The following NBAS variants were observed in gnomAD, a reference collection of about 807,000 sequenced individuals.
The protein encoded by NBAS is NAG/BC035112 fusion.
Under a neutral mutation model 302.5 loss-of-function variants are expected in NBAS, and 219 were observed. The observed-to-expected ratio is 0.72, with a 90% CI of 0.65 to 0.81. The LOEUF (loss-of-function observed/expected upper bound fraction) is 0.81, where lower values mean the gene tolerates loss of function less well. Ranked by LOEUF, NBAS falls within the 30% of genes least tolerant of loss-of-function variation. The pLI is 0.00. For synonymous variants in NBAS, 1,118 were observed against 1,021.6 expected, an observed-to-expected ratio of 1.09 and a Z score of -1.80; for missense variants, 2,932 against 2,841.6, an observed-to-expected ratio of 1.03 and a Z score of -0.72.
the NBAS span, among the ~76,000 whole-genome samples, chr2:14,877,975 C>T: frequency 6.6e-6 from 1 of 152,062 alleles, no homozygotes. Flanking sequence ...TTACTAATTC[C>T]TCCAAACCTC....
At chr2:15,497,033 T>C (rs1437235480) in intron 11 of NBAS, among the ~76,000 whole-genome samples, 3 of 152,046 alleles carry the variant, frequency 2.0e-5, no homozygotes, top group African/African-American at 7.2e-5. Context: ...GGTAAAACCA[T>C]TCCCAATAGA....
the NBAS span, among the ~76,000 whole-genome samples, chr2:15,090,751 G>T: frequency 6.6e-6 from 1 of 152,152 alleles, no homozygotes; most frequent in Non-Finnish European, 1.5e-5. Flanking sequence ...TCCTTATTTG[G>T]AAAAGCCATA....
At chr2:15,096,023 T>C in the NBAS span, among the ~76,000 whole-genome samples, 1 of 152,192 alleles carries the variant, frequency 6.6e-6, no homozygotes, top group Non-Finnish European at 1.5e-5. Flanking sequence ...GAACTCCTCA[T>C]GTCTGGGCTT....
chr2:15,467,347 A>G lies in NBAS; in HGVS notation c.2079T>C (p.Asp693=), dbSNP rs146792030. 259 of 1,612,840 alleles carry G rather than the reference A, an allele frequency of 1.6e-4. No homozygotes were observed. Among genetic ancestry groups the G allele is most frequent in the Non-Finnish European group, 2.0e-4 (238 of 1,179,106 alleles). Residue 693 remains aspartate, a synonymous_variant, in exon 19 of 52, where the codon GAT becomes GAC. Coordinates refer to ENST00000281513, the MANE Select transcript of NBAS (RefSeq NM_015909.4). The stretch of plus-strand genomic sequence containing the variant: ...TCATTACCTCATATGTTGCAAGTCG[A>G]TCTAAGTAGGTTAATAACTTCCGTC... The part of the protein sequence containing the change: ...RCRRKLLTYL[D]RLATYEEILG...
chr2:14,839,820 G>A, the NBAS span, among the ~76,000 whole-genome samples: 1 of 151,944 alleles, frequency 6.6e-6, no homozygotes, highest in Non-Finnish European at 1.5e-5. Context: ...CCAAACAAAA[G>A]CCAGACAAAG....
chr2:15,356,868 G>T (rs1042093677), intron 32 of NBAS, among the ~76,000 whole-genome samples: 1 of 152,220 alleles, frequency 6.6e-6, no homozygotes. Context: ...AAATTGGAAT[G>T]CAAATGCTGT....
At chr2:15,377,730 C>A (rs1674815761) in intron 30 of NBAS, among the ~76,000 whole-genome samples, 1 of 152,116 alleles carries the variant, frequency 6.6e-6, no homozygotes, top group East Asian at 1.9e-4. Context: ...CACAACCACT[C>A]AACACAATGC....
chr2:15,166,850 A>G (rs755920118), downstream of NBAS: 86 of 577,690 alleles, frequency 1.5e-4, no homozygotes, highest in Admixed American at 2.2e-4. Context: ...CTTAATCAAT[A>G]AGAAAATATG....
At chr2:14,841,514 A>C in the NBAS span, among the ~76,000 whole-genome samples, 1 of 147,662 alleles carries the variant, frequency 6.8e-6, no homozygotes, top group Non-Finnish European at 1.5e-5. Context: ...AAAAAAAAAA[A>C]ACAGGAAAAG....
At chr2:15,173,984 G>A (rs1664416041) in intron 51 of NBAS, among the ~76,000 whole-genome samples, 1 of 152,204 alleles carries the variant, frequency 6.6e-6, no homozygotes, top group South Asian at 2.1e-4. Context: ...CACAATGCAT[G>A]CTTGATATGT....
chr2:15,027,428 AAAT>A, the NBAS span, among the ~76,000 whole-genome samples: 1 of 116,374 alleles, frequency 8.6e-6, no homozygotes, highest in African/African-American at 3.3e-5. Flanking sequence ...TATTGTAAAT[AAAT>A]TTTTTTCCAT....
chr2:15,272,630 T>C (rs1278693125), intron 44 of NBAS, among the ~76,000 whole-genome samples: 1 of 152,240 alleles, frequency 6.6e-6, no homozygotes, highest in African/African-American at 2.4e-5. Flanking sequence ...TAAATGTATC[T>C]GTCTCACCTC....
chr2:15,023,481 T>A, the NBAS span, among the ~76,000 whole-genome samples: 1 of 151,990 alleles, frequency 6.6e-6, no homozygotes, highest in South Asian at 2.1e-4. Context: ...ATATTTGGTT[T>A]TTATTTTAAT....
intron 28 of NBAS, among the ~76,000 whole-genome samples, chr2:15,384,524 ACC>A (rs5829504): frequency 1.4e-4 from 21 of 146,902 alleles, no homozygotes; most frequent in Non-Finnish European, 2.2e-4. Flanking sequence ...ATATGAAAAG[ACC>A]CCCCCCCCAT....
At chr2:15,458,180 C>T (rs758236961) in intron 21 of NBAS, among the ~76,000 whole-genome samples, 1 of 152,026 alleles carries the variant, frequency 6.6e-6, no homozygotes, top group Non-Finnish European at 1.5e-5. Context: ...ATAAGTATGA[C>T]TATAACACAG....
intron 32 of NBAS, among the ~76,000 whole-genome samples, chr2:15,358,303 A>C (rs1673721126): frequency 6.6e-6 from 1 of 152,078 alleles, no homozygotes; most frequent in South Asian, 2.1e-4. Flanking sequence ...GAGTCTACAG[A>C]GTCCTTGTGC....
the NBAS span, among the ~76,000 whole-genome samples, chr2:15,109,625 G>A: frequency 1.3e-5 from 2 of 152,068 alleles, no homozygotes; most frequent in Non-Finnish European, 2.9e-5. Flanking sequence ...TCAGGGGGTG[G>A]TGAGCACCCT....
chr2:15,021,932 T>C, the NBAS span, among the ~76,000 whole-genome samples: 1 of 152,132 alleles, frequency 6.6e-6, no homozygotes, highest in African/African-American at 2.4e-5. Flanking sequence ...CCCCAGCAAA[T>C]AGACTCTGAA....
At chr2:15,153,559 C>T in the NBAS span, among the ~76,000 whole-genome samples, 1 of 152,340 alleles carries the variant, frequency 6.6e-6, no homozygotes, top group African/African-American at 2.4e-5. Flanking sequence ...TTAGCATCTA[C>T]CAACATTGCT....
Sources: gnomAD v4.1 joint callset for allele counts (sites outside exome capture counted in the v4.1 genomes callset) on GRCh38, gnomAD v4.1.1 for gene constraint, MANE v1.5 for transcripts, NCBI Gene and HGNC (gene_info 2026-07-23, HGNC 2026-07-21) for gene names.